Variants in STRN observed in about 807,000 individuals in gnomAD.
STRN encodes the protein striatin, also known as protein phosphatase 2 regulatory subunit B'''alpha.
Under a neutral mutation model 96.3 loss-of-function variants are expected in STRN, and 53 were observed. The observed-to-expected ratio is 0.55, with a 90% CI of 0.44 to 0.69. STRN has a LOEUF of 0.69. Among genes scored for constraint, STRN ranks in the 30% least tolerant of loss-of-function variants. The pLI is 0.00. For missense variants in STRN, 987 were observed against 963.9 expected, an observed-to-expected ratio of 1.02 and a Z score of -0.32; for synonymous variants, 428 against 355.9, an observed-to-expected ratio of 1.20 and a Z score of -2.28.
chr2:36,894,098 T>A, intron 6 of STRN, 65 bp from the exon 7 acceptor site: 1 of 1,534,708 alleles, frequency 6.5e-7, no homozygotes, highest in Non-Finnish European at 8.7e-7. Flanking sequence ...AATAAGAAAA[T>A]TCAATTATTT....
chr2:36,921,486 T>C (rs532501768), intron 2 of STRN, among the ~76,000 whole-genome samples: 2 of 152,326 alleles, frequency 1.3e-5, no homozygotes, highest in South Asian at 2.1e-4. Flanking sequence ...TTCCCAAGCA[T>C]ATATTTCTCA....
Position 36,838,914 on chromosome 2 carries a change from C to A in STRN, c.*10542G>T, listed in dbSNP as rs1667882056. Among the ~76,000 whole-genome samples, 1 of 152,172 alleles carries A rather than the reference C, an allele frequency of 6.6e-6. No individual in the cohort carries two copies. Among genetic ancestry groups the A allele is most frequent in the Non-Finnish European group, 1.5e-5 (1 of 68,036 alleles). On this transcript the variant is annotated 3_prime_UTR_variant, in exon 18 of 18. Coordinates refer to ENST00000263918, the MANE Select transcript of STRN (RefSeq NM_003162.4). ...TAAAGCAAACTGCCCACCAAAATAT[C>A]TTCTCATTAACGTTAGACTGTATAT...
intron 1 of STRN, among the ~76,000 whole-genome samples, chr2:36,926,717 TAAAG>T (rs1380386476): frequency 2.0e-5 from 3 of 152,170 alleles, no homozygotes; most frequent in Admixed American, 1.3e-4. Context: ...ACATTACAAT[TAAAG>T]GAAGGATTAC....
At position 36,838,042 on chromosome 2, in the gene STRN, C is replaced by T. The variant is rs913123502; in HGVS notation, c.*11414G>A. Among the ~76,000 whole-genome samples the T allele has an allele frequency of 6.6e-6, 1 of 152,206 alleles. No individual in the cohort carries two copies. The highest frequency in any genetic ancestry group is 1.5e-5 in the Non-Finnish European group (1 of 68,042). ...AGGGACTTGGCAGATGTAATTAAAGCTACTAATCAGTTGACCTTAACAATC... is the reference window on the plus strand; with the variant it reads ...AGGGACTTGGCAGATGTAATTAAAGTTACTAATCAGTTGACCTTAACAATC... On this transcript the variant is annotated 3_prime_UTR_variant, in exon 18 of 18. Transcript: ENST00000263918.
chr2:36,850,772 A>G (rs1668197411), intron 16 of STRN, among the ~76,000 whole-genome samples: 1 of 152,116 alleles, frequency 6.6e-6, no homozygotes, highest in Non-Finnish European at 1.5e-5. Context: ...AAGCCTACAT[A>G]TAGCATCTGC....
intron 11 of STRN, 59 bp downstream of exon 11, chr2:36,869,495 T>G (rs1382899145): frequency 1.5e-6 from 2 of 1,321,252 alleles, no homozygotes; most frequent in African/African-American, 3.0e-5. Flanking sequence ...AAATATGTAG[T>G]TTTCTGCTGA....
At chr2:36,876,239 C>T (rs1301697768) in intron 10 of STRN, among the ~76,000 whole-genome samples, 1 of 150,054 alleles carries the variant, frequency 6.7e-6, no homozygotes, top group African/African-American at 2.5e-5. Context: ...CCACTGCACT[C>T]CAGCCTGGGT....
intron 8 of STRN, 26 bp from the exon 9 acceptor site, chr2:36,884,101 G>A (rs767790740): frequency 1.5e-6 from 2 of 1,316,206 alleles, no homozygotes; most frequent in Admixed American, 3.0e-5. Context: ...GGGGGTGGGA[G>A]GAGATAAAAA....
intron 2 of STRN, among the ~76,000 whole-genome samples, chr2:36,918,005 T>G (rs934744792): frequency 6.6e-6 from 1 of 152,198 alleles, no homozygotes. Flanking sequence ...TGATAAGATT[T>G]CCTTGGGAAA....
At chr2:36,957,622 T>C (rs752495597) in intron 1 of STRN, among the ~76,000 whole-genome samples, 1 of 151,096 alleles carries the variant, frequency 6.6e-6, no homozygotes, top group African/African-American at 2.4e-5. Context: ...CCCAGACTGG[T>C]AATAACTCTA....
chr2:36,889,207 G>A (rs1373153518), intron 7 of STRN, among the ~76,000 whole-genome samples: 1 of 152,110 alleles, frequency 6.6e-6, no homozygotes, highest in African/African-American at 2.4e-5. Flanking sequence ...TGAATGATCC[G>A]AGTAAACCAA....
chr2:36,898,721 TA>T (rs1025518634), intron 6 of STRN, among the ~76,000 whole-genome samples: 14 of 152,234 alleles, frequency 9.2e-5, no homozygotes, highest in African/African-American at 3.1e-4. Context: ...CCAAGTCTTT[TA>T]GTTAGAGGTC....
chr2:36,875,920 G>A (rs138987774), intron 10 of STRN, among the ~76,000 whole-genome samples: 5,299 of 152,220 alleles, frequency 0.035, 136 homozygotes, highest in East Asian at 0.13. Flanking sequence ...GCCTCCCAAA[G>A]TGCTGGGATA....
In STRN at chr2:36,845,907, GCATGCATGCACACACACACACACACA is replaced by G. The variant is rs1668058257; in HGVS notation, c.*3523_*3548del. 1.8e-4 allele frequency: 5 copies of G among 27,932 alleles called. No homozygotes were observed. The highest frequency in any genetic ancestry group is 4.0e-3 in the South Asian group (2 of 498). 1.7% of individuals were successfully genotyped at this position (27,932 alleles called of 1,614,324 possible). A position where few individuals can be genotyped will look rare whatever the true frequency, so the allele number is the denominator to read the frequency against. On this transcript the variant is annotated 3_prime_UTR_variant, in exon 18 of 18. Transcript: ENST00000263918. ...TAAACACACACACACACACACACAC[GCATGCATGCACACACACACACACACA>G]CACACACACACACACACACTAACTC...
intron 1 of STRN, among the ~76,000 whole-genome samples, chr2:36,927,547 G>A (rs1670448196): frequency 1.4e-5 from 2 of 146,816 alleles, no homozygotes; most frequent in African/African-American, 5.0e-5. Flanking sequence ...TGGTAATCAG[G>A]GCCAGGCATG....
intron 2 of STRN, among the ~76,000 whole-genome samples, chr2:36,918,433 T>C (rs1670167610): frequency 6.6e-6 from 1 of 151,950 alleles, no homozygotes. Flanking sequence ...ATAGTAGCAA[T>C]AAAATGTTAT....
chr2:36,875,681 G>T (rs1447923370), intron 10 of STRN, among the ~76,000 whole-genome samples: 1 of 149,896 alleles, frequency 6.7e-6, no homozygotes. Context: ...TTTTGAGAGG[G>T]AGTCTCGCTC....
Position 36,849,538 on chromosome 2 carries a change from G to A in STRN, c.2261C>T (p.Ser754Leu). ...FTAHRKKFEE[S>L]IHDVAFHPSK... ...TGGGTGGAAAGCTACATCATGAATC[G>A]ATTCTTCAAACTTTTTTCGATGAGC... Residue 754 changes from serine to leucine, a missense_variant, in exon 18 of 18, where the codon TCG becomes TTG. Coordinates refer to ENST00000263918, the MANE Select transcript of STRN (RefSeq NM_003162.4). 6.2e-7 allele frequency: 1 copy of A among 1,614,004 alleles called. No individual in the cohort carries two copies. The highest frequency in any genetic ancestry group is 8.5e-7 in the Non-Finnish European group (1 of 1,179,988).
intron 1 of STRN, among the ~76,000 whole-genome samples, chr2:36,944,461 A>G (rs1670928996): frequency 6.6e-6 from 1 of 152,216 alleles, no homozygotes; most frequent in Non-Finnish European, 1.5e-5. Flanking sequence ...CACAGAAAAT[A>G]TATCCTTTAA....
Sources: allele counts gnomAD v4.1 joint callset (sites outside exome capture counted in the v4.1 genomes callset), GRCh38; gene constraint gnomAD v4.1.1; transcripts MANE v1.5; gene names NCBI Gene and HGNC (gene_info 2026-07-23, HGNC 2026-07-21).